Variants in BMP7 observed in about 807,000 individuals in gnomAD.
BMP7 encodes the protein osteogenic protein 1.
BMP7 carries 12 observed loss-of-function variants against 41.2 expected under a neutral mutation model. That is an observed-to-expected ratio of 0.29 (90% CI 0.19 to 0.47). BMP7 has a LOEUF of 0.47. BMP7 is among the 20% of genes least tolerant of loss of function. BMP7 has a pLI of 0.99. For synonymous variants in BMP7, 248 were observed against 250.0 expected (o/e 0.99, Z 0.07); for missense variants, 467 against 606.0 (o/e 0.77, Z 2.41).
intron 3 of BMP7, among the ~76,000 whole-genome samples, chr20:57,184,579 GTGTCCTCTGTTGCTGA>G (rs1371978224): frequency 6.6e-6 from 1 of 152,188 alleles, no homozygotes; most frequent in African/African-American, 2.4e-5. Context: ...CCTCAGCCCA[GTGTCCTCTGTTGCTGA>G]TGTCCTCTAA....
Position 57,188,532 on chromosome 20 carries a change from CAAT to C in BMP7, c.761-4616_761-4614del, listed in dbSNP as rs553237885. Among the ~76,000 whole-genome samples the C allele has an allele frequency of 6.0e-3, 835 of 138,656 alleles. 8 individuals carry two copies. Among genetic ancestry groups the C allele is most frequent in the African/African-American group, 0.021 (768 of 36,018 alleles). The allele number at this position is 138,656 out of a possible 152,430, so 91.0% of individuals were successfully genotyped here. ...ATCAGACAATGGGATGGCTGCACAA[CAAT>C]GAGAATATACTAAAAAAAAAAAAAA... On this transcript the variant is annotated intron_variant, in intron 3 of 6. Coordinates refer to ENST00000395863, the MANE Select transcript of BMP7 (RefSeq NM_001719.3).
chr20:57,253,543 C>T (rs1027580028), intron 1 of BMP7, among the ~76,000 whole-genome samples: 2 of 152,210 alleles, frequency 1.3e-5, no homozygotes, highest in Non-Finnish European at 1.5e-5. Context: ...GAGTCCCTGT[C>T]GTGTTAATGG....
chr20:57,218,704 GGTTT>G (rs1985101466), intron 2 of BMP7, among the ~76,000 whole-genome samples: 1 of 145,748 alleles, frequency 6.9e-6, no homozygotes, highest in South Asian at 2.2e-4. Context: ...GTGGTAGCTG[GGTTT>G]GTTTGGTGGT....
At position 57,201,494 on chromosome 20, in the gene BMP7, C is replaced by A. The variant is rs576272161; in HGVS notation, c.760+981G>T. Among the ~76,000 whole-genome samples the A allele has an allele frequency of 5.3e-5, 8 of 152,214 alleles. No individual in the cohort carries two copies. The East Asian group carries it at 1.3e-3, about 26-fold the overall frequency. On this transcript the variant is annotated intron_variant, in intron 3 of 6. Coordinates refer to ENST00000395863, the MANE Select transcript of BMP7 (RefSeq NM_001719.3). ...AATCTCCATGTAATTGCTGAAATAC[C>A]CAGAGAGCATCTCTGAAAAGACAGA...
At chr20:57,179,893 G>A (rs1984035282) in intron 4 of BMP7, among the ~76,000 whole-genome samples, 2 of 152,208 alleles carry the variant, frequency 1.3e-5, no homozygotes, top group Non-Finnish European at 2.9e-5. Flanking sequence ...TGAGAGCCCC[G>A]TCCTGGGGGC....
intron 4 of BMP7, among the ~76,000 whole-genome samples, chr20:57,178,911 A>T (rs2123062029): frequency 6.6e-6 from 1 of 152,318 alleles, no homozygotes; most frequent in African/African-American, 2.4e-5. Context: ...GCCATGATCT[A>T]TTAGCAATGT....
intron 6 of BMP7, 182 bp downstream of exon 6, chr20:57,173,018 T>C: frequency 1.4e-6 from 1 of 691,942 alleles, no homozygotes; most frequent in South Asian, 1.6e-5. Context: ...CTCCTCTTTA[T>C]ACCAAACCAG....
intron 3 of BMP7, among the ~76,000 whole-genome samples, chr20:57,195,861 TC>T (rs2123081787): frequency 6.6e-6 from 1 of 152,230 alleles, no homozygotes; most frequent in Non-Finnish European, 1.5e-5. Flanking sequence ...ATGCACATGC[TC>T]CTGACCCCCA....
At chr20:57,263,917 C>T (rs963847726) in intron 1 of BMP7, among the ~76,000 whole-genome samples, 1 of 152,062 alleles carries the variant, frequency 6.6e-6, no homozygotes, top group African/African-American at 2.4e-5. Flanking sequence ...AGTAAAATCT[C>T]TCTCCAGTTC....
intron 1 of BMP7, among the ~76,000 whole-genome samples, chr20:57,263,788 A>C (rs1284037826): frequency 6.6e-6 from 1 of 150,740 alleles, no homozygotes; most frequent in Non-Finnish European, 1.5e-5. Context: ...TTTTTGGTAT[A>C]GTTAATAAAT....
chr20:57,264,111 TA>T (rs1471285532), intron 1 of BMP7, among the ~76,000 whole-genome samples: 1 of 152,242 alleles, frequency 6.6e-6, no homozygotes, highest in Non-Finnish European at 1.5e-5. Context: ...TTTTGGCATC[TA>T]AACCTCCCAC....
At chr20:57,179,069 T>C (rs577325419) in intron 4 of BMP7, among the ~76,000 whole-genome samples, 1 of 152,338 alleles carries the variant, frequency 6.6e-6, no homozygotes, top group African/African-American at 2.4e-5. Context: ...AAGCTAGTTA[T>C]GGTGTACGAG....
At chr20:57,258,923 C>T (rs538755624) in intron 1 of BMP7, among the ~76,000 whole-genome samples, 2 of 152,324 alleles carry the variant, frequency 1.3e-5, no homozygotes, top group South Asian at 4.1e-4. Flanking sequence ...ATTTGTTTTA[C>T]ACCTACTAGG....
In BMP7 at chr20:57,228,239, G is replaced by T; in HGVS notation, c.601C>A (p.His201Asn). 2 of 1,613,534 alleles carry T rather than the reference G, an allele frequency of 1.2e-6. No individual in the cohort carries two copies. The highest frequency in any genetic ancestry group is 1.7e-6 in the Non-Finnish European group (2 of 1,180,004). The stretch of plus-strand genomic sequence containing the variant: ...CCGTATAGCACCCACCTGCCCAAGT[G>T]CTCCTGGAGCACCTGATAAACGCTG... ...RISVYQVLQE[H>N]LGRESDLFLL... The change falls in exon 2 of 7, where the codon CAC becomes AAC. Residue 201 changes from histidine (H) to asparagine (N), a missense_variant. Around this residue, in one of 2 missense-constraint regions of BMP7, gnomAD observed 407 missense variants for 485.9 expected, o/e 0.84. Transcript: ENST00000395863. The surrounding 1 kb of genome is among the most constrained non-coding windows in gnomAD (Gnocchi z 4.5).
chr20:57,179,791 A>G (rs1008165741), intron 4 of BMP7, among the ~76,000 whole-genome samples: 1 of 152,090 alleles, frequency 6.6e-6, no homozygotes, highest in African/African-American at 2.4e-5. Flanking sequence ...CTTAACTTCC[A>G]GGCAGGTTTT....
intron 2 of BMP7, among the ~76,000 whole-genome samples, chr20:57,220,316 C>T (rs995836823): frequency 2.6e-5 from 4 of 152,154 alleles, no homozygotes; most frequent in East Asian, 1.9e-4. Context: ...CCTGGTAAGC[C>T]TGTATTCCCC....
At position 57,259,782 on chromosome 20, in the gene BMP7, T is replaced by C. The variant is rs1194381982; in HGVS notation, c.418+5923A>G. ...CCCCCAAATCATAAACACTCTACTT[T>C]GGAGCGGAAAAAAATACACAGCAGC... On this transcript the variant is annotated intron_variant, in intron 1 of 6. Transcript: ENST00000395863. The surrounding 1 kb of genome is among the most constrained non-coding windows in gnomAD (Gnocchi z 4.7). Among the ~76,000 whole-genome samples the C allele has an allele frequency of 6.6e-6, 1 of 152,138 alleles. No homozygotes were observed. Among genetic ancestry groups the C allele is most frequent in the Non-Finnish European group, 1.5e-5 (1 of 68,028 alleles).
At chr20:57,254,917 G>A (rs555740303) in intron 1 of BMP7, among the ~76,000 whole-genome samples, 3 of 152,276 alleles carry the variant, frequency 2.0e-5, no homozygotes, top group South Asian at 2.1e-4. Context: ...TTTCCCCATG[G>A]AAGGGTTATG....
At chr20:57,198,082 G>A (rs945978763) in intron 3 of BMP7, among the ~76,000 whole-genome samples, 8 of 144,252 alleles carry the variant, frequency 5.5e-5, no homozygotes, top group Non-Finnish European at 1.2e-4. Flanking sequence ...CTCTCCTCTC[G>A]CTCTCCTCTC....
Sources: allele counts gnomAD v4.1 joint callset (sites outside exome capture counted in the v4.1 genomes callset), GRCh38; gene constraint gnomAD v4.1.1; regional missense constraint gnomAD v4.1.1; non-coding constraint Gnocchi (gnomAD v3.1); transcripts MANE v1.5; gene names NCBI Gene and HGNC (gene_info 2026-07-23, HGNC 2026-07-21).